The following SAMMSON variants were observed in gnomAD, a reference collection of about 807,000 sequenced individuals.
SAMMSON encodes survival associated mitochondrial melanoma specific oncogenic non-coding RNA.
chr3:70,134,763 A>G (rs1446723984), intron 4 of SAMMSON, among the ~76,000 whole-genome samples: 5 of 152,102 alleles, frequency 3.3e-5, no homozygotes, highest in African/African-American at 1.2e-4. Context: ...GTCTTTGGCC[A>G]CCTATTTTAT....
At chr3:70,018,560 G>T (rs1283681895) in intron 3 of SAMMSON, among the ~76,000 whole-genome samples, 2 of 151,970 alleles carry the variant, frequency 1.3e-5, no homozygotes, top group East Asian at 1.9e-4. Context: ...TTTTTGAAGG[G>T]TTTTTTGTGT....
At chr3:70,409,864 G>A (rs771679883) in intron 2 of SAMMSON, among the ~76,000 whole-genome samples, 4 of 151,900 alleles carry the variant, frequency 2.6e-5, no homozygotes, top group Admixed American at 6.6e-5. Context: ...TACATGTCCC[G>A]CTTTGTTACA....
At chr3:70,210,678 A>T (rs560146647) in intron 4 of SAMMSON, among the ~76,000 whole-genome samples, 155 of 152,248 alleles carry the variant, frequency 1.0e-3, no homozygotes, top group Non-Finnish European at 1.1e-3. Flanking sequence ...TATATTTGGG[A>T]TGTTATTCAT....
chr3:70,046,486 A>C (rs1234738481), intron 3 of SAMMSON, among the ~76,000 whole-genome samples: 2 of 152,122 alleles, frequency 1.3e-5, no homozygotes. Flanking sequence ...TCCAAAATTA[A>C]TATTTATTTT....
chr3:70,046,802 T>C (rs1031536718), intron 3 of SAMMSON, among the ~76,000 whole-genome samples: 1 of 152,152 alleles, frequency 6.6e-6, no homozygotes, highest in Non-Finnish European at 1.5e-5. Context: ...TTTTTCCTGC[T>C]TCTAGAAGTG....
intron 9 of SAMMSON, among the ~76,000 whole-genome samples, chr3:70,373,351 G>A (rs1353257860): frequency 6.6e-6 from 1 of 151,740 alleles, no homozygotes; most frequent in Non-Finnish European, 1.5e-5. Flanking sequence ...GCTATCATTT[G>A]TTTTTCCCCA....
In SAMMSON at chr3:70,429,134, A is replaced by G. The variant is rs572425861; in HGVS notation, n.234-33426A>G. On this transcript the variant is annotated intron_variant and non_coding_transcript_variant, in intron 2 of 3. Coordinates refer to the SAMMSON transcript ENST00000641053. ...TAAGTCTTTAATCCATCTTGAGTTA[A>G]TTTTTGTATAAGGTATAAGAAAGGG... Among the ~76,000 whole-genome samples the G allele has an allele frequency of 2.0e-4, 31 of 152,024 alleles. No homozygotes were observed. In the East Asian group the frequency reaches 3.9e-3, roughly 19 times the overall value.
chr3:70,276,373 A>T (rs1251417686), intron 6 of SAMMSON, among the ~76,000 whole-genome samples: 1 of 152,220 alleles, frequency 6.6e-6, no homozygotes, highest in Non-Finnish European at 1.5e-5. Context: ...CTGGAAATGT[A>T]TGTTAATTCT....
At chr3:70,082,286 A>T (rs888259895) in intron 4 of SAMMSON, among the ~76,000 whole-genome samples, 8 of 152,230 alleles carry the variant, frequency 5.3e-5, no homozygotes, top group Non-Finnish European at 7.3e-5. Flanking sequence ...AATAATCCAT[A>T]TAACAAATAA....
At chr3:70,433,126 G>A (rs1332162254) in intron 2 of SAMMSON, among the ~76,000 whole-genome samples, 1 of 152,070 alleles carries the variant, frequency 6.6e-6, no homozygotes, top group African/African-American at 2.4e-5. Flanking sequence ...AAACATCTGT[G>A]TGCACATTTC....
intron 4 of SAMMSON, among the ~76,000 whole-genome samples, chr3:70,194,175 G>GA (rs200084209): frequency 1.3e-5 from 2 of 151,880 alleles, no homozygotes; most frequent in South Asian, 2.1e-4. Context: ...AATGCTGTAG[G>GA]AAAAAAAATG....
intron 4 of SAMMSON, among the ~76,000 whole-genome samples, chr3:70,225,091 T>C (rs2106739788): frequency 6.6e-6 from 1 of 152,272 alleles, no homozygotes; most frequent in East Asian, 1.9e-4. Context: ...ACAGAATAAA[T>C]ATATGGTAGA....
intron 7 of SAMMSON, among the ~76,000 whole-genome samples, chr3:70,331,344 T>C (rs912362311): frequency 6.6e-6 from 1 of 152,238 alleles, no homozygotes; most frequent in Non-Finnish European, 1.5e-5. Context: ...CTAGGGCTTA[T>C]GTACAGCTTA....
At chr3:70,123,709 G>T (rs756179727) in intron 4 of SAMMSON, among the ~76,000 whole-genome samples, 10 of 152,220 alleles carry the variant, frequency 6.6e-5, no homozygotes, top group Non-Finnish European at 1.3e-4. Flanking sequence ...CCTGGGCAGG[G>T]AACTGAGCCA....
chr3:70,337,046 ATATTAT>A (rs796314290), intron 7 of SAMMSON, among the ~76,000 whole-genome samples: 1 of 80,534 alleles, frequency 1.2e-5, no homozygotes, highest in Non-Finnish European at 3.3e-5. Context: ...ATCTAACTTA[ATATTAT>A]TATTATTAAT....
At position 70,023,018 on chromosome 3, in the gene SAMMSON, T is replaced by C. The variant is rs573880496; in HGVS notation, n.417+9346T>C. 2.6e-5 allele frequency among the ~76,000 whole-genome samples: 4 copies of C among 152,308 alleles called. No homozygotes were observed. The East Asian group carries it at 7.7e-4, about 29-fold the overall frequency. On this transcript the variant is annotated intron_variant and non_coding_transcript_variant, in intron 3 of 9. Coordinates refer to ENST00000642114, the Ensembl canonical transcript of SAMMSON. Reference sequence around the variant, plus strand: ...GGGTCCAATTTTCCTATTAATACAGTATTCCACTGGACACTAAAACATCGC... The same window carrying C: ...GGGTCCAATTTTCCTATTAATACAGCATTCCACTGGACACTAAAACATCGC...
intron 9 of SAMMSON, among the ~76,000 whole-genome samples, chr3:70,359,220 G>A (rs1453016967): frequency 4.6e-5 from 7 of 152,108 alleles, no homozygotes; most frequent in Non-Finnish European, 2.9e-5. Context: ...ACAAGTTGTA[G>A]GTGGTATGTA....
intron 9 of SAMMSON, among the ~76,000 whole-genome samples, chr3:70,383,122 A>G (rs1200987739): frequency 6.6e-6 from 1 of 152,132 alleles, no homozygotes; most frequent in Non-Finnish European, 1.5e-5. Context: ...ATCCCAAAGT[A>G]TAAATCTCTT....
intron 4 of SAMMSON, among the ~76,000 whole-genome samples, chr3:70,232,492 C>T (rs1397966629): frequency 6.6e-6 from 1 of 151,856 alleles, no homozygotes; most frequent in Non-Finnish European, 1.5e-5. Context: ...CTCCGACTCC[C>T]GGGTTCAAGT....
Sources: allele counts gnomAD v4.1 joint callset (sites outside exome capture counted in the v4.1 genomes callset), GRCh38; gene constraint gnomAD v4.1.1; transcripts MANE v1.5; gene names NCBI Gene and HGNC (gene_info 2026-07-23, HGNC 2026-07-21).